The following AGBL1 variants were observed in gnomAD, a reference collection of about 807,000 sequenced individuals.
The protein encoded by AGBL1 is AGBL carboxypeptidase 1.
A neutral mutation model predicts 118.9 loss-of-function variants in AGBL1; 130 were observed. The observed-to-expected ratio is 1.09, with a 90% CI of 0.95 to 1.26. The LOEUF is 1.26. AGBL1 is among the 50% of genes most tolerant of loss of function. The probability of loss-of-function intolerance (pLI) is 0.00; values close to 1 mark genes in which losing one functional copy is unlikely to be tolerated. For missense variants in AGBL1, 1,584 were observed against 1,298.1 expected (o/e 1.22, Z -3.38); for synonymous variants, 555 against 478.9 (o/e 1.16, Z -2.08).
At chr15:86,425,127 C>T (rs536889025) in intron 18 of AGBL1, among the ~76,000 whole-genome samples, 1 of 152,284 alleles carries the variant, frequency 6.6e-6, no homozygotes, top group Admixed American at 6.5e-5. Context: ...ATAGCAAACA[C>T]TTGGAACCAA....
At chr15:86,463,792 G>T (rs1393602149) in intron 18 of AGBL1, among the ~76,000 whole-genome samples, 1 of 152,046 alleles carries the variant, frequency 6.6e-6, no homozygotes, top group Non-Finnish European at 1.5e-5. Context: ...CTGTTCCATT[G>T]GTCTATATAT....
chr15:86,169,640 A>T (rs2077388081), intron 5 of AGBL1, among the ~76,000 whole-genome samples: 1 of 152,218 alleles, frequency 6.6e-6, no homozygotes, highest in South Asian at 2.1e-4. Context: ...ATACCTACAA[A>T]TGTAAATGCT....
chr15:86,793,380 A>C (rs918413193), intron 22 of AGBL1, among the ~76,000 whole-genome samples: 1 of 152,204 alleles, frequency 6.6e-6, no homozygotes, highest in African/African-American at 2.4e-5. Flanking sequence ...AAGATCATTC[A>C]GTAGGGAAAG....
intron 18 of AGBL1, among the ~76,000 whole-genome samples, chr15:86,487,744 A>G (rs1369018013): frequency 6.6e-6 from 1 of 152,068 alleles, no homozygotes; most frequent in African/African-American, 2.4e-5. Context: ...TTGTCCAACA[A>G]CGCTGCACTG....
intron 17 of AGBL1, among the ~76,000 whole-genome samples, chr15:86,328,596 C>T (rs578133945): frequency 2.0e-5 from 3 of 152,278 alleles, no homozygotes; most frequent in South Asian, 4.1e-4. Flanking sequence ...TCATGAAGGA[C>T]ACCCCAAATC....
At chr15:86,506,827 T>C (rs1469171098) in intron 18 of AGBL1, among the ~76,000 whole-genome samples, 1 of 152,102 alleles carries the variant, frequency 6.6e-6, no homozygotes, top group Non-Finnish European at 1.5e-5. Flanking sequence ...TTCCTCAAGA[T>C]TTATTTGAGA....
chr15:86,311,873 T>C (rs966869634), intron 17 of AGBL1, among the ~76,000 whole-genome samples: 7 of 152,360 alleles, frequency 4.6e-5, no homozygotes, highest in African/African-American at 1.4e-4. Flanking sequence ...AGTCCCAAGA[T>C]GGAACTTCTA....
At chr15:86,255,172 G>A (rs2078874878) in intron 7 of AGBL1, among the ~76,000 whole-genome samples, 3 of 152,138 alleles carry the variant, frequency 2.0e-5, no homozygotes, top group Non-Finnish European at 4.4e-5. Flanking sequence ...CAAGGTTGGA[G>A]CTTAGAATAT....
chr15:86,716,677 C>T (rs985032472), intron 22 of AGBL1, among the ~76,000 whole-genome samples: 2 of 152,196 alleles, frequency 1.3e-5, no homozygotes, highest in Admixed American at 6.5e-5. Context: ...ACAATTAAGA[C>T]ATTTGATTCA....
chr15:86,731,699 C>T (rs80080043), intron 22 of AGBL1, among the ~76,000 whole-genome samples: 1 of 152,186 alleles, frequency 6.6e-6, no homozygotes, highest in Non-Finnish European at 1.5e-5. Flanking sequence ...TCTCCACCAA[C>T]CAGACTGACT....
At chr15:86,794,207 T>C (rs565266156) in intron 22 of AGBL1, among the ~76,000 whole-genome samples, 6 of 152,286 alleles carry the variant, frequency 3.9e-5, no homozygotes, top group African/African-American at 1.4e-4. Context: ...GAAATGTCTA[T>C]CAACTGATGA....
intron 24 of AGBL1, among the ~76,000 whole-genome samples, chr15:87,007,478 G>A (rs980734779): frequency 2.0e-5 from 3 of 152,190 alleles, no homozygotes; most frequent in South Asian, 4.1e-4. Flanking sequence ...TTCAATATTG[G>A]TATTTCTGAT....
intron 19 of AGBL1, among the ~76,000 whole-genome samples, chr15:86,541,774 G>C (rs1194702873): frequency 6.6e-6 from 1 of 152,048 alleles, no homozygotes; most frequent in Non-Finnish European, 1.5e-5. Flanking sequence ...GATGCCTCTA[G>C]AGACTGAGCC....
rs552403261 is a variant in AGBL1 at position 87,020,931 on chromosome 15, T to C, written c.3324-7894T>C. ...AATGGCCATATTGCCCAAAGTAATT[T>C]ATAGATTCAATGCTATTCCCATTCA... is the stretch of plus-strand genomic sequence containing the variant. On this transcript the variant is annotated intron_variant, in intron 24 of 24. Coordinates refer to the AGBL1 transcript ENST00000441037. Among the ~76,000 whole-genome samples the C allele has an allele frequency of 9.2e-5, 14 of 152,276 alleles. No homozygotes were observed. In the South Asian group the frequency reaches 2.9e-3, roughly 32 times the overall value.
intron 18 of AGBL1, among the ~76,000 whole-genome samples, chr15:86,504,206 T>C (rs1417992303): frequency 6.6e-6 from 1 of 151,710 alleles, no homozygotes; most frequent in Non-Finnish European, 1.5e-5. Context: ...TGAGTTAAAG[T>C]ACATTATGTC....
intron 21 of AGBL1, among the ~76,000 whole-genome samples, chr15:86,601,216 A>G (rs1317756141): frequency 6.6e-6 from 1 of 152,204 alleles, no homozygotes; most frequent in African/African-American, 2.4e-5. Context: ...AGAAAGTTAC[A>G]TAGATTTAAT....
intron 21 of AGBL1, among the ~76,000 whole-genome samples, chr15:86,632,084 G>C (rs2084980425): frequency 6.6e-6 from 1 of 151,300 alleles, no homozygotes; most frequent in Admixed American, 6.6e-5. Flanking sequence ...CGCAAGCCTA[G>C]GGAGACCCTG....
At chr15:86,348,462 T>C (rs1354963456) in intron 17 of AGBL1, among the ~76,000 whole-genome samples, 1 of 152,184 alleles carries the variant, frequency 6.6e-6, no homozygotes, top group Admixed American at 6.5e-5. Context: ...GGAGACACTT[T>C]TGATGATCAC....
At chr15:86,123,841 G>A (rs1230372909) in intron 1 of AGBL1, among the ~76,000 whole-genome samples, 2 of 152,164 alleles carry the variant, frequency 1.3e-5, no homozygotes, top group Non-Finnish European at 2.9e-5. Flanking sequence ...TTGGTTCAGA[G>A]TAAATCCCTT....
Sources: gnomAD v4.1 joint callset for allele counts (sites outside exome capture counted in the v4.1 genomes callset) on GRCh38, gnomAD v4.1.1 for gene constraint, MANE v1.5 for transcripts, NCBI Gene and HGNC (gene_info 2026-07-23, HGNC 2026-07-21) for gene names.